The following PREX2 variants were observed in gnomAD, a reference collection of about 807,000 sequenced individuals.
PREX2 encodes phosphatidylinositol-3,4,5-trisphosphate dependent Rac exchange factor 2, also known as phosphatidylinositol 3,4,5-trisphosphate-dependent Rac exchanger 2 protein.
Under a neutral mutation model 203.2 loss-of-function variants are expected in PREX2, and 107 were observed. The ratio of observed to expected loss-of-function variants is 0.53; its 90% CI spans 0.45 to 0.62. The LOEUF is 0.62. Among genes scored for constraint, PREX2 ranks in the 20% least tolerant of loss-of-function variants. PREX2 has a pLI of 0.00. For missense variants in PREX2, 1,777 were observed against 1,955.9 expected, an observed-to-expected ratio of 0.91 and a Z score of 1.72; for synonymous variants, 672 against 663.6, an observed-to-expected ratio of 1.01 and a Z score of -0.19.
At chr8:68,026,739 T>C (rs1807725953) in intron 4 of PREX2, among the ~76,000 whole-genome samples, 1 of 152,090 alleles carries the variant, frequency 6.6e-6, no homozygotes, top group African/African-American at 2.4e-5. Context: ...CCTGTCCTAT[T>C]TATGGAGAGG....
intron 35 of PREX2, among the ~76,000 whole-genome samples, chr8:68,167,183 C>A (rs1337432279): frequency 6.6e-6 from 1 of 152,110 alleles, no homozygotes; most frequent in Admixed American, 6.5e-5. Flanking sequence ...TGTCACTGTC[C>A]TGCTCAAAGC....
intron 35 of PREX2, among the ~76,000 whole-genome samples, chr8:68,178,326 T>G (rs1812021707): frequency 2.6e-5 from 4 of 152,224 alleles, no homozygotes; most frequent in Admixed American, 2.6e-4. Flanking sequence ...TTGACTGGTA[T>G]GAGATGGTAT....
intron 31 of PREX2, among the ~76,000 whole-genome samples, chr8:68,130,502 G>A (rs1439324797): frequency 2.0e-5 from 3 of 152,120 alleles, no homozygotes; most frequent in African/African-American, 4.8e-5. Flanking sequence ...TGCCAGACAC[G>A]GTGCTAGATG....
chr8:67,993,149 T>A (rs1806655657), intron 1 of PREX2, among the ~76,000 whole-genome samples: 1 of 152,186 alleles, frequency 6.6e-6, no homozygotes, highest in Admixed American at 6.5e-5. Context: ...TTCTATTTTC[T>A]AAGAATTTGT....
At chr8:67,980,436 G>T (rs1242570170) in intron 1 of PREX2, among the ~76,000 whole-genome samples, 1 of 151,232 alleles carries the variant, frequency 6.6e-6, no homozygotes, top group African/African-American at 2.4e-5. Context: ...AAACAAAAAG[G>T]ATATGCAAAA....
At chr8:68,103,543 T>C (rs138557397) in intron 23 of PREX2, 185 of 518,972 alleles carry the variant, frequency 3.6e-4, no homozygotes, top group African/African-American at 2.9e-3. Flanking sequence ...TACCCCACAC[T>C]GTTCCCTTTC....
chr8:68,033,715 A>G (rs1328622095), intron 6 of PREX2, among the ~76,000 whole-genome samples: 2 of 152,192 alleles, frequency 1.3e-5, no homozygotes. Flanking sequence ...GATTCAACTA[A>G]TCTTGCTTGG....
chr8:68,017,694 CA>C, intron 1 of PREX2, 151 bp from the exon 2 acceptor site: 1 of 614,918 alleles, frequency 1.6e-6, no homozygotes, highest in Admixed American at 2.6e-5. Flanking sequence ...CAGCAATGCA[CA>C]AGGGTTTCTG....
At chr8:68,115,983 G>A in intron 26 of PREX2, 51 bp downstream of exon 26, 2 of 1,457,604 alleles carry the variant, frequency 1.4e-6, no homozygotes, top group Non-Finnish European at 1.8e-6. Flanking sequence ...CAAATATGAT[G>A]CTGGATTTTC....
chr8:68,098,526 A>G (rs1276281213), intron 22 of PREX2, among the ~76,000 whole-genome samples: 3 of 152,102 alleles, frequency 2.0e-5, no homozygotes, highest in Non-Finnish European at 4.4e-5. Context: ...CGTCTACATT[A>G]TAGTATTCAT....
intron 34 of PREX2, among the ~76,000 whole-genome samples, chr8:68,155,334 G>A (rs1327534114): frequency 6.6e-6 from 1 of 152,108 alleles, no homozygotes; most frequent in Non-Finnish European, 1.5e-5. Context: ...AGTAAATGTA[G>A]TATGTTTTCT....
chr8:68,159,230 C>G (rs574168792), intron 35 of PREX2, among the ~76,000 whole-genome samples: 4 of 152,070 alleles, frequency 2.6e-5, no homozygotes, highest in Non-Finnish European at 5.9e-5. Context: ...ATCTAATAAC[C>G]GGCATACTAT....
chr8:68,127,044 C>CT (rs1409852269), intron 30 of PREX2, among the ~76,000 whole-genome samples: 1 of 151,984 alleles, frequency 6.6e-6, no homozygotes, highest in Non-Finnish European at 1.5e-5. Context: ...GCTAAAACAG[C>CT]TAAGGATGAC....
intron 17 of PREX2, among the ~76,000 whole-genome samples, chr8:68,081,327 C>T (rs1809514519): frequency 6.6e-6 from 1 of 152,146 alleles, no homozygotes; most frequent in Non-Finnish European, 1.5e-5. Flanking sequence ...TGCTCACTCG[C>T]CCGCCGCTCA....
Position 68,017,942 on chromosome 8 carries a change from A to C in PREX2, c.213+25A>C, listed in dbSNP as rs762082582. On this transcript the variant is annotated intron_variant, in intron 2 of 39. Coordinates refer to ENST00000288368, the MANE Select transcript of PREX2 (RefSeq NM_024870.4). ...GGTGAGGAGGTACAACTGGCCTTCA[A>C]CCTGAGCATGAGTTTCCTATAGATA... 11 of 1,589,894 alleles carry C rather than the reference A, an allele frequency of 6.9e-6. No individual in the cohort carries two copies. In the East Asian group the frequency reaches 9.1e-5, roughly 13 times the overall value.
chr8:67,971,696 G>A (rs1274140264), intron 1 of PREX2, among the ~76,000 whole-genome samples: 2 of 152,150 alleles, frequency 1.3e-5, no homozygotes, highest in Non-Finnish European at 2.9e-5. Context: ...TGGAGATATA[G>A]TTATCCATTA....
chr8:68,224,014 T>C (rs146894428), intron 38 of PREX2, among the ~76,000 whole-genome samples: 1 of 152,208 alleles, frequency 6.6e-6, no homozygotes, highest in Admixed American at 6.5e-5. Context: ...TTTTATTTAT[T>C]TTTATTATTT....
intron 37 of PREX2, among the ~76,000 whole-genome samples, chr8:68,216,576 A>G (rs1812842098): frequency 6.6e-6 from 1 of 152,200 alleles, no homozygotes; most frequent in Admixed American, 6.5e-5. Flanking sequence ...TAAAAGAACA[A>G]TTCAGAGACC....
chr8:68,160,070 C>G (rs1392452654), intron 35 of PREX2, among the ~76,000 whole-genome samples: 2 of 152,166 alleles, frequency 1.3e-5, no homozygotes, highest in African/African-American at 4.8e-5. Flanking sequence ...AGTTTAGTCT[C>G]ATGGAATTAA....
Sources: allele counts gnomAD v4.1 joint callset (sites outside exome capture counted in the v4.1 genomes callset), GRCh38; gene constraint gnomAD v4.1.1; transcripts MANE v1.5; gene names NCBI Gene and HGNC (gene_info 2026-07-23, HGNC 2026-07-21).